FKTN: variants seen among roughly 807,000 people sequenced by gnomAD.
FKTN encodes the protein ribitol-5-phosphate transferase FKTN.
A neutral mutation model predicts 58.6 loss-of-function variants in FKTN; 47 were observed. That is an observed-to-expected ratio of 0.80 (90% confidence interval 0.63 to 1.02). FKTN has a LOEUF of 1.02. Among genes scored for constraint, FKTN ranks in the 50% least tolerant of loss-of-function variants. FKTN has a pLI of 0.00. For synonymous variants in FKTN, 178 were observed against 191.9 expected, an observed-to-expected ratio of 0.93 and a Z score of 0.60; for missense variants, 516 against 537.3, an observed-to-expected ratio of 0.96 and a Z score of 0.39.
intron 1 of FKTN, among the ~76,000 whole-genome samples, chr9:105,563,526 TC>T (rs931373001): frequency 3.3e-4 from 50 of 151,624 alleles, no homozygotes; most frequent in Non-Finnish European, 7.2e-4. Flanking sequence ...GCTCGGAGGG[TC>T]CTATGCCCAC....
intron 3 of FKTN, among the ~76,000 whole-genome samples, chr9:105,583,208 T>A (rs1843336796): frequency 6.6e-6 from 1 of 152,240 alleles, no homozygotes; most frequent in African/African-American, 2.4e-5. Flanking sequence ...ATGTGCTTGA[T>A]TGAGCAGGCC....
Position 105,635,869 on chromosome 9 carries a change from T to A in FKTN, c.*605T>A. On this transcript the variant is annotated 3_prime_UTR_variant, in exon 11 of 11. Transcript: ENST00000357998. ...TTCTTTTAGGGAAGGTGAGAGCTTA[T>A]TTGTATCAGAGCTTATTACTTGTCA... is the stretch of plus-strand genomic sequence containing the variant. 3.0e-6 allele frequency: 3 copies of A among 993,046 alleles called. No individual in the cohort carries two copies. Among genetic ancestry groups the A allele is most frequent in the South Asian group, 9.0e-5 (2 of 22,184 alleles). 61.5% of individuals were successfully genotyped at this position (993,046 alleles called of 1,614,324 possible). A position where few individuals can be genotyped will look rare whatever the true frequency, so the allele number is the denominator to read the frequency against.
At chr9:105,627,030 T>C (rs1189726873) in intron 10 of FKTN, among the ~76,000 whole-genome samples, 4 of 150,332 alleles carry the variant, frequency 2.7e-5, no homozygotes, top group African/African-American at 9.9e-5. Flanking sequence ...TGGAGTGCAG[T>C]GGTGTGATCT....
At chr9:105,610,057 G>T (rs2132964262) in intron 7 of FKTN, among the ~76,000 whole-genome samples, 1 of 151,100 alleles carries the variant, frequency 6.6e-6, no homozygotes. Context: ...TCTTCAGATT[G>T]TTCCATATTT....
rs1009766104 is a variant in FKTN at position 105,631,472 on chromosome 9, GAACAGGC to G, written c.1173-3575_1173-3569del. ...TTAAGTTTAAAAAAGCCAGGTTCGGGAACAGGCAACCTACAAAATGGGAGAAAATTTT... is the reference window on the plus strand; with the variant it reads ...TTAAGTTTAAAAAAGCCAGGTTCGGGAACCTACAAAATGGGAGAAAATTTT... On this transcript the variant is annotated intron_variant, in intron 10 of 10. Transcript: ENST00000357998. Among the ~76,000 whole-genome samples, 233 of 152,062 alleles carry G rather than the reference GAACAGGC, an allele frequency of 1.5e-3. 1 individual carries two copies. The highest frequency in any genetic ancestry group is 5.4e-3 in the African/African-American group (222 of 41,464).
chr9:105,574,907 G>C (rs1284899896), intron 2 of FKTN, 38 bp from the exon 3 acceptor site: 4 of 689,956 alleles, frequency 5.8e-6, no homozygotes, highest in Non-Finnish European at 1.1e-5. Flanking sequence ...AAATTAAAGA[G>C]GTTTTTGTTT....
chr9:105,594,199 T>C (rs1331697943), intron 3 of FKTN, among the ~76,000 whole-genome samples: 1 of 152,196 alleles, frequency 6.6e-6, no homozygotes, highest in Non-Finnish European at 1.5e-5. Flanking sequence ...TCATCTGTTA[T>C]GACAGAAGGG....
chr9:105,585,485 A>T (rs987850615), intron 3 of FKTN, among the ~76,000 whole-genome samples: 1 of 152,256 alleles, frequency 6.6e-6, no homozygotes, highest in Non-Finnish European at 1.5e-5. Flanking sequence ...GACTAATTAG[A>T]TGCTAAAGAT....
At position 105,618,241 on chromosome 9, in the gene FKTN, A is replaced by T. The variant is rs555562848; in HGVS notation, c.1044+149A>T. Reference sequence around the variant, plus strand: ...ATGAGTTCAGCAGAAGCCTGTTACCACTTGTAATTTCTGCACTGTCTAGGC... The same window carrying T: ...ATGAGTTCAGCAGAAGCCTGTTACCTCTTGTAATTTCTGCACTGTCTAGGC... On this transcript the variant is annotated intron_variant, in intron 9 of 10. Transcript: ENST00000357998. 116 of 760,308 alleles carry T rather than the reference A, an allele frequency of 1.5e-4. No homozygotes were observed. The African/African-American group carries it at 1.7e-3, about 11-fold the overall frequency. 47.1% of individuals were successfully genotyped at this position (760,308 alleles called of 1,614,324 possible).
At chr9:105,631,505 T>C (rs4394456) in intron 10 of FKTN, among the ~76,000 whole-genome samples, 151,656 of 151,840 alleles carry the variant, frequency 1, 75,738 homozygotes, top group Middle Eastern at 1. Flanking sequence ...AGAAAATTTT[T>C]GCAACCTACT....
chr9:105,593,668 A>G (rs1411931276), intron 3 of FKTN, among the ~76,000 whole-genome samples: 1 of 152,228 alleles, frequency 6.6e-6, no homozygotes, highest in Non-Finnish European at 1.5e-5. Context: ...TCAGGGAAGT[A>G]GGAAGAACTG....
chr9:105,558,467 A>G (rs1218330466), intron 1 of FKTN, among the ~76,000 whole-genome samples: 1 of 152,086 alleles, frequency 6.6e-6, no homozygotes, highest in Non-Finnish European at 1.5e-5. Context: ...AGACTCTTGT[A>G]GTAGCCGGGT....
At chr9:105,597,436 C>G (rs561070165) in intron 4 of FKTN, among the ~76,000 whole-genome samples, 1 of 152,198 alleles carries the variant, frequency 6.6e-6, no homozygotes, top group Non-Finnish European at 1.5e-5. Context: ...CTCCCCAGCT[C>G]TCTAGTCTAT....
In FKTN at chr9:105,635,341, G is replaced by C; in HGVS notation, c.*77G>C. 1.9e-6 allele frequency: 3 copies of C among 1,600,122 alleles called. No individual in the cohort carries two copies. Among genetic ancestry groups the C allele is most frequent in the Non-Finnish European group, 2.6e-6 (3 of 1,173,198 alleles). On this transcript the variant is annotated 3_prime_UTR_variant, in exon 11 of 11. Coordinates refer to ENST00000357998, the MANE Select transcript of FKTN (RefSeq NM_001079802.2). ...CTGTTTAAAAAATACATGTCTATTTGTCAAACATAAGTGGGAACCAAAGAA... is the reference window on the plus strand; with the variant it reads ...CTGTTTAAAAAATACATGTCTATTTCTCAAACATAAGTGGGAACCAAAGAA...
intron 7 of FKTN, among the ~76,000 whole-genome samples, chr9:105,610,794 C>T (rs1001497050): frequency 2.0e-5 from 3 of 152,074 alleles, no homozygotes; most frequent in African/African-American, 7.3e-5. Flanking sequence ...TCCCTTTGCA[C>T]AAAAACCTTT....
At chr9:105,595,491 G>A (rs570058269) in intron 3 of FKTN, among the ~76,000 whole-genome samples, 5 of 152,210 alleles carry the variant, frequency 3.3e-5, no homozygotes, top group African/African-American at 1.2e-4. Context: ...TCTCTTTTCA[G>A]GTTTCAAGAT....
chr9:105,601,453 T>C lies in FKTN; in HGVS notation c.369+105T>C, dbSNP rs192690063. 1.7e-5 allele frequency: 13 copies of C among 752,388 alleles called. No homozygotes were observed. In the Admixed American group the frequency reaches 2.9e-4, roughly 17 times the overall value. The allele number at this position is 752,388 out of a possible 1,614,324, so 46.6% of individuals were successfully genotyped here. ...ACATTAAAAATTTTTCCTGAAACAC[T>C]TTATAAATTGTATCAGGAATATTTT... On this transcript the variant is annotated intron_variant, in intron 5 of 10. Coordinates refer to ENST00000357998, the MANE Select transcript of FKTN (RefSeq NM_001079802.2).
intron 7 of FKTN, among the ~76,000 whole-genome samples, chr9:105,610,061 C>T (rs1829624134): frequency 1.3e-5 from 2 of 150,906 alleles, no homozygotes; most frequent in Admixed American, 1.3e-4. Flanking sequence ...CAGATTGTTC[C>T]ATATTTGGCC....
intron 5 of FKTN, among the ~76,000 whole-genome samples, chr9:105,603,431 A>T (rs1415449153): frequency 1.3e-5 from 2 of 152,340 alleles, no homozygotes; most frequent in East Asian, 3.9e-4. Context: ...AATGATTTGC[A>T]TTATGATGGT....
Sources: allele counts gnomAD v4.1 joint callset (sites outside exome capture counted in the v4.1 genomes callset), GRCh38; gene constraint gnomAD v4.1.1; transcripts MANE v1.5; gene names NCBI Gene and HGNC (gene_info 2026-07-23, HGNC 2026-07-21).